RBM33: variants seen among roughly 807,000 people sequenced by gnomAD.
RBM33 encodes RNA-binding protein 33.
In RBM33, 28 loss-of-function variants were observed where a neutral mutation model predicts 132.6. The ratio of observed to expected loss-of-function variants is 0.21; its 90% CI spans 0.16 to 0.29. The LOEUF is 0.29. RBM33 is among the 10% of genes least tolerant of loss of function. The pLI is 1.00. For synonymous variants in RBM33, 634 were observed against 593.0 expected (o/e 1.07, Z -1.01); for missense variants, 1,291 against 1,518.5 (o/e 0.85, Z 2.49).
At chr7:155,715,307 C>T (rs1450130358) in intron 8 of RBM33, among the ~76,000 whole-genome samples, 1 of 152,192 alleles carries the variant, frequency 6.6e-6, no homozygotes, top group Non-Finnish European at 1.5e-5. Flanking sequence ...TTTGCTTATG[C>T]TAGCATCTGT....
At chr7:155,704,768 C>T (rs961261528) in intron 6 of RBM33, among the ~76,000 whole-genome samples, 6 of 152,020 alleles carry the variant, frequency 3.9e-5, no homozygotes, top group African/African-American at 1.4e-4. Flanking sequence ...CCTAAAGAAC[C>T]TGCTTGTACA....
chr7:155,715,156 T>A (rs187120445), intron 8 of RBM33, among the ~76,000 whole-genome samples: 1 of 152,276 alleles, frequency 6.6e-6, no homozygotes, highest in East Asian at 1.9e-4. Context: ...TCTCCTGCAG[T>A]AGCCGTTGAA....
Position 155,692,386 on chromosome 7 carries a change from C to T in RBM33, c.568-8387C>T, listed in dbSNP as rs549150050. Among the ~76,000 whole-genome samples, 5 of 152,274 alleles carry T rather than the reference C, an allele frequency of 3.3e-5. No individual in the cohort carries two copies. The East Asian group carries it at 9.7e-4, about 29-fold the overall frequency. On this transcript the variant is annotated intron_variant, in intron 5 of 17. Coordinates refer to ENST00000401878, the MANE Select transcript of RBM33 (RefSeq NM_053043.3). ...CAAAGCGAGCAAATCACTGCCTGTC[C>T]TTTGTTCCGGAATATCTTTTAGAGG...
chr7:155,744,408 G>A (rs1324980882), intron 13 of RBM33, among the ~76,000 whole-genome samples: 1 of 152,062 alleles, frequency 6.6e-6, no homozygotes, highest in African/African-American at 2.4e-5. Context: ...TACTGCAATC[G>A]GCAACATTTT....
chr7:155,672,686 A>C (rs1287523224), intron 2 of RBM33, among the ~76,000 whole-genome samples, 181 bp from the exon 3 acceptor site: 1 of 148,890 alleles, frequency 6.7e-6, no homozygotes, highest in East Asian at 2.0e-4. Flanking sequence ...CAGAGGTTGC[A>C]GTCAGCTGAG....
Position 155,700,768 on chromosome 7 carries a change from T to C in RBM33, c.568-5T>C. ...CTTTTTTTGCCTTGTGTATCTGCAA[T>C]ATAGGGAGGTATGGAAACATTGGAA... On this transcript the variant is annotated splice_polypyrimidine_tract_variant and splice_region_variant and intron_variant, in intron 5 of 17. Coordinates refer to ENST00000401878, the MANE Select transcript of RBM33 (RefSeq NM_053043.3). 1 of 1,553,998 alleles carries C rather than the reference T, an allele frequency of 6.4e-7. No individual in the cohort carries two copies. Among genetic ancestry groups the C allele is most frequent in the Non-Finnish European group, 8.7e-7 (1 of 1,147,894 alleles).
intron 2 of RBM33, among the ~76,000 whole-genome samples, chr7:155,667,172 A>C (rs1424276078): frequency 6.6e-6 from 1 of 152,236 alleles, no homozygotes; most frequent in Non-Finnish European, 1.5e-5. Context: ...ATTTCCCGCA[A>C]AACAGGAACT....
intron 7 of RBM33, among the ~76,000 whole-genome samples, 199 bp from the exon 8 acceptor site, chr7:155,711,004 T>C (rs1250449768): frequency 6.6e-6 from 1 of 152,048 alleles, no homozygotes; most frequent in Non-Finnish European, 1.5e-5. Flanking sequence ...TAGCCCTCAT[T>C]GTGAAGAAGT....
Position 155,781,084 on chromosome 7 carries a change from C to T in RBM33, c.*6043C>T, listed in dbSNP as rs951916055. On this transcript the variant is annotated 3_prime_UTR_variant, in exon 18 of 18. Coordinates refer to ENST00000401878, the MANE Select transcript of RBM33 (RefSeq NM_053043.3). ...GTCTGACCGTGTGTTACTGCTTTGC[C>T]GACGGGGCCTCCCGGCCCTGATGCG... 3.9e-5 allele frequency: 6 copies of T among 152,850 alleles called. No homozygotes were observed. Among genetic ancestry groups the T allele is most frequent in the Middle Eastern group, 3.4e-3 (1 of 296 alleles). 9.5% of individuals were successfully genotyped at this position (152,850 alleles called of 1,614,324 possible).
intron 16 of RBM33, among the ~76,000 whole-genome samples, chr7:155,773,640 T>C (rs1258674893): frequency 1.3e-5 from 2 of 149,402 alleles, no homozygotes. Flanking sequence ...AGGTACTAAG[T>C]TGACTGTGTC....
chr7:155,708,654 T>G (rs956889345), intron 7 of RBM33, among the ~76,000 whole-genome samples: 1 of 152,198 alleles, frequency 6.6e-6, no homozygotes, highest in Non-Finnish European at 1.5e-5. Context: ...TGTGACTGAT[T>G]TGGACTGTTA....
rs1467042881 is a variant in RBM33 at position 155,745,426 on chromosome 7, C to A, written c.2803C>A (p.Pro935Thr). 2.5e-6 allele frequency: 4 copies of A among 1,613,760 alleles called. No individual in the cohort carries two copies. Among genetic ancestry groups the A allele is most frequent in the Non-Finnish European group, 3.4e-6 (4 of 1,179,862 alleles). Residue 935 changes from proline to threonine, a missense_variant, in exon 14 of 18, where the codon CCT becomes ACT. Coordinates refer to ENST00000401878, the MANE Select transcript of RBM33 (RefSeq NM_053043.3). The surrounding 1 kb of genome is among the most constrained non-coding windows in gnomAD (Gnocchi z 4.1). ...GCTGCATAAAGTGCTCCCGATCAAA[C>A]CTGCAGATGTGGAGGAGCCAGCTGT... Reference protein sequence around the residue: ...QPLHKVLPIKPADVEEPAVPQ... With the variant: ...QPLHKVLPIKTADVEEPAVPQ...
chr7:155,732,622 T>A (rs1206181054), intron 9 of RBM33, among the ~76,000 whole-genome samples: 1 of 152,208 alleles, frequency 6.6e-6, no homozygotes, highest in Non-Finnish European at 1.5e-5. Context: ...AGTGAGAATT[T>A]ATATATATTT....
rs191216089 is a variant in RBM33, at chr7:155,660,432, T to A, written c.44-4743T>A. On this transcript the variant is annotated intron_variant, in intron 1 of 17. Transcript: ENST00000401878. ...GGAGGGGTAAGACTTCAGCATATAT[T>A]TTTTGGGGATACAATTCAACCAGTT... Among the ~76,000 whole-genome samples, 12 of 152,290 alleles carry A rather than the reference T, an allele frequency of 7.9e-5. No individual in the cohort carries two copies. In the East Asian group the frequency reaches 2.3e-3, roughly 29 times the overall value.
chr7:155,662,874 G>A (rs1221158772), intron 1 of RBM33, among the ~76,000 whole-genome samples: 14 of 152,154 alleles, frequency 9.2e-5, no homozygotes, highest in Admixed American at 8.5e-4. Context: ...TGGGGAGGGC[G>A]TCCTGTGTTC....
At position 155,718,410 on chromosome 7, in the gene RBM33, G is replaced by A. The variant is rs761686636; in HGVS notation, c.1227G>A (p.Gln409=). ...TGCCCTTGCTACCAGTTCCGAGCCA[G>A]CCGAGACCTGCCGTGGGACCCCAGA... The part of the protein sequence containing the change: ...VQVPLLPVPS[Q]PRPAVGPQRF... Residue 409 remains glutamine, a synonymous_variant, in exon 9 of 18, where the codon CAG becomes CAA. Coordinates refer to ENST00000401878, the MANE Select transcript of RBM33 (RefSeq NM_053043.3). 47 of 1,613,894 alleles carry A rather than the reference G, an allele frequency of 2.9e-5. No individual in the cohort carries two copies. In the South Asian group the frequency reaches 4.5e-4, roughly 15 times the overall value.
At chr7:155,756,229 A>G (rs1242899865) in intron 14 of RBM33, among the ~76,000 whole-genome samples, 2 of 152,232 alleles carry the variant, frequency 1.3e-5, no homozygotes, top group Non-Finnish European at 2.9e-5. Context: ...GTATTTTAAA[A>G]TTTACTTAAC....
Position 155,775,192 on chromosome 7 carries a change from C to G in RBM33, c.*151C>G, listed in dbSNP as rs568625607. 1.3e-6 allele frequency: 1 copy of G among 750,422 alleles called. No individual in the cohort carries two copies. The highest frequency in any genetic ancestry group is 2.7e-5 in the East Asian group (1 of 37,710). 46.5% of individuals were successfully genotyped at this position (750,422 alleles called of 1,614,324 possible). A position where few individuals can be genotyped will look rare whatever the true frequency, so the allele number is the denominator to read the frequency against. Reference sequence around the variant, plus strand: ...CTCCAGAGCGCCAGCCAGCCACGGGCCTGATTCCAGAGGAGCCGAACTGAC... The same window carrying G: ...CTCCAGAGCGCCAGCCAGCCACGGGGCTGATTCCAGAGGAGCCGAACTGAC... On this transcript the variant is annotated 3_prime_UTR_variant, in exon 18 of 18. Transcript: ENST00000401878.
chr7:155,763,919 G>T lies in RBM33; in HGVS notation c.3087G>T (p.Gly1029=), dbSNP rs747959770. Residue 1029 remains glycine, a synonymous_variant, in exon 15 of 18, where the codon GGG becomes GGT. Transcript: ENST00000401878. ...CCCGCAAGGTGACGCTGACCAGGGG[G>T]GGCCTCCAGCAGCCCCCACATCTGC... is the stretch of plus-strand genomic sequence containing the variant. ...QPARKVTLTR[G]GLQQPPHLPA... is the part of the protein sequence containing the mutation. 3.1e-6 allele frequency: 5 copies of T among 1,606,842 alleles called. No homozygotes were observed. The highest frequency in any genetic ancestry group is 3.4e-6 in the Non-Finnish European group (4 of 1,176,918).
Sources: gnomAD v4.1 joint callset for allele counts (sites outside exome capture counted in the v4.1 genomes callset) on GRCh38, gnomAD v4.1.1 for gene constraint, Gnocchi (gnomAD v3.1) non-coding constraint, MANE v1.5 for transcripts, NCBI Gene and HGNC (gene_info 2026-07-23, HGNC 2026-07-21) for gene names.